The following ITPR2 variants were observed in gnomAD, a reference collection of about 807,000 sequenced individuals.
ITPR2 encodes inositol 1,4,5-trisphosphate-gated calcium channel ITPR2.
Under a neutral mutation model 317.1 loss-of-function variants are expected in ITPR2, and 207 were observed. That is an observed-to-expected ratio of 0.65 (90% CI 0.58 to 0.73). The LOEUF (loss-of-function observed/expected upper bound fraction) is 0.73. Ranked by LOEUF, ITPR2 falls within the 30% of genes least tolerant of loss-of-function variation. ITPR2 has a pLI of 0.00. For synonymous variants in ITPR2, 1,156 were observed against 1,149.1 expected (o/e 1.01, Z -0.12); for missense variants, 2,613 against 3,284.0 (o/e 0.80, Z 4.99).
At chr12:26,666,162 A>ATAGATAGATAGATAGATAGATAGATTGAT (rs34107444) in intron 13 of ITPR2, 111 bp from the exon 14 acceptor site, 4 of 391,176 alleles carry the variant, frequency 1.0e-5, no homozygotes, top group African/African-American at 6.5e-5. Context: ...AGATAGATAG[A>ATAGATAGATAGATAGATAGATAGATTGAT]TTTTTTTTTA....
intron 37 of ITPR2, among the ~76,000 whole-genome samples, chr12:26,495,905 C>T (rs1457594874): frequency 1.3e-5 from 2 of 152,094 alleles, no homozygotes; most frequent in Non-Finnish European, 2.9e-5. Flanking sequence ...TATTTAAACT[C>T]CAAAATGCTT....
At chr12:26,438,911 T>G (rs143017636) in intron 47 of ITPR2, among the ~76,000 whole-genome samples, 88 of 152,318 alleles carry the variant, frequency 5.8e-4, no homozygotes, top group African/African-American at 2.0e-3. Context: ...GAAGAGTCGA[T>G]GTAATTAGTT....
At position 26,610,926 on chromosome 12, in the gene ITPR2, T is replaced by C. The variant is rs572086969; in HGVS notation, c.3463-8220A>G. On this transcript the variant is annotated intron_variant, in intron 26 of 56. Transcript: ENST00000381340. ...ACAGCAAGAGAAGAGAAGGCACAGG[T>C]GCCCCCTCCTCCCATCTCCCCGCAC... Among the ~76,000 whole-genome samples, 3 of 152,318 alleles carry C rather than the reference T, an allele frequency of 2.0e-5. No homozygotes were observed. In the East Asian group the frequency reaches 5.8e-4, roughly 29 times the overall value.
intron 37 of ITPR2, among the ~76,000 whole-genome samples, chr12:26,504,926 T>C (rs754423032): frequency 2.8e-4 from 42 of 152,150 alleles, no homozygotes; most frequent in Non-Finnish European, 5.6e-4. Context: ...ACACAACTAC[T>C]TTCATGAATG....
chr12:26,340,959 T>C (rs1565479183), intron 55 of ITPR2, among the ~76,000 whole-genome samples: 1 of 152,138 alleles, frequency 6.6e-6, no homozygotes, highest in Non-Finnish European at 1.5e-5. Context: ...TCCACTTCTG[T>C]TTTTGTAGGC....
At chr12:26,584,295 T>A (rs748311281) in intron 32 of ITPR2, among the ~76,000 whole-genome samples, 1 of 152,182 alleles carries the variant, frequency 6.6e-6, no homozygotes, top group Non-Finnish European at 1.5e-5. Flanking sequence ...CATCAACGTT[T>A]CTGTGGGAAG....
chr12:26,395,491 C>A (rs1459361125), intron 54 of ITPR2, among the ~76,000 whole-genome samples: 1 of 152,142 alleles, frequency 6.6e-6, no homozygotes, highest in African/African-American at 2.4e-5. Context: ...ATATAGGAGA[C>A]AATATCATGT....
At chr12:26,568,009 T>TATTATATATATATA (rs1945050220) in intron 34 of ITPR2, among the ~76,000 whole-genome samples, 1 of 5,480 alleles carries the variant, frequency 1.8e-4, no homozygotes, top group African/African-American at 3.6e-4. Flanking sequence ...ATATATATTA[T>TATTATATATATATA]ATATATATAT....
At chr12:26,565,877 G>C (rs1944952657) in intron 34 of ITPR2, among the ~76,000 whole-genome samples, 1 of 49,056 alleles carries the variant, frequency 2.0e-5, no homozygotes, top group Non-Finnish European at 4.6e-5. Context: ...GGGAGGAGAG[G>C]AGAGGGGAGG....
At chr12:26,530,102 G>C (rs1478686740) in intron 37 of ITPR2, among the ~76,000 whole-genome samples, 2 of 152,134 alleles carry the variant, frequency 1.3e-5, no homozygotes, top group South Asian at 2.1e-4. Context: ...CAGAGAATCA[G>C]GATACAGACC....
chr12:26,505,582 G>C (rs1164692648), intron 37 of ITPR2, among the ~76,000 whole-genome samples: 1 of 152,074 alleles, frequency 6.6e-6, no homozygotes, highest in East Asian at 1.9e-4. Context: ...TCTTATAATA[G>C]CATGTATATC....
At chr12:26,721,841 G>A (rs1317079031) in intron 5 of ITPR2, among the ~76,000 whole-genome samples, 11 of 151,918 alleles carry the variant, frequency 7.2e-5, no homozygotes, top group Admixed American at 3.3e-4. Flanking sequence ...TCTTGAACCC[G>A]TGGGCTCAAG....
chr12:26,815,128 C>T (rs1483714695), intron 1 of ITPR2, among the ~76,000 whole-genome samples: 1 of 152,176 alleles, frequency 6.6e-6, no homozygotes. Flanking sequence ...CAGTTGAGGT[C>T]AGGAGTTTGA....
intron 34 of ITPR2, among the ~76,000 whole-genome samples, chr12:26,564,384 T>C (rs945581911): frequency 6.6e-6 from 1 of 152,190 alleles, no homozygotes; most frequent in Non-Finnish European, 1.5e-5. Flanking sequence ...ATTAAAAAGG[T>C]CCACAATATG....
At chr12:26,787,056 C>T (rs1950266677) in intron 2 of ITPR2, among the ~76,000 whole-genome samples, 2 of 152,116 alleles carry the variant, frequency 1.3e-5, no homozygotes, top group Admixed American at 6.5e-5. Context: ...AGAGAATGGC[C>T]TAAGGCAAGA....
At chr12:26,585,351 T>G (rs1368002108) in intron 32 of ITPR2, among the ~76,000 whole-genome samples, 3 of 152,218 alleles carry the variant, frequency 2.0e-5, no homozygotes, top group Non-Finnish European at 4.4e-5. Context: ...AGATATATAA[T>G]AATTTATTTA....
At chr12:26,800,495 G>A (rs551096442) in intron 1 of ITPR2, among the ~76,000 whole-genome samples, 2 of 152,336 alleles carry the variant, frequency 1.3e-5, no homozygotes, top group East Asian at 3.9e-4. Context: ...TGGCATGGTG[G>A]TACACCCCTG....
intron 55 of ITPR2, among the ~76,000 whole-genome samples, chr12:26,355,714 C>T (rs1938618225): frequency 1.3e-5 from 2 of 152,128 alleles, no homozygotes; most frequent in Non-Finnish European, 1.5e-5. Flanking sequence ...ATACCTTTTT[C>T]TAGAAAATCC....
At chr12:26,659,377 C>A (rs1947446261) in intron 15 of ITPR2, 92 bp from the exon 16 acceptor site, 3 of 1,100,988 alleles carry the variant, frequency 2.7e-6, no homozygotes, top group Admixed American at 2.5e-5. Context: ...AATTTATTCA[C>A]AACAGAAGGT....
Sources: gnomAD v4.1 joint callset for allele counts (sites outside exome capture counted in the v4.1 genomes callset) on GRCh38, gnomAD v4.1.1 for gene constraint, MANE v1.5 for transcripts, NCBI Gene and HGNC (gene_info 2026-07-23, HGNC 2026-07-21) for gene names.